Variants in CWC22 observed in about 807,000 individuals in gnomAD.
CWC22 encodes the protein CWC22 spliceosome associated protein.
CWC22 carries 53 observed loss-of-function variants against 117.2 expected under a neutral mutation model. The observed-to-expected ratio is 0.45, with a 90% CI of 0.36 to 0.57. CWC22 has a LOEUF of 0.57. Ranked by LOEUF, CWC22 falls within the 20% of genes least tolerant of loss-of-function variation. CWC22 has a pLI of 0.00. For missense variants in CWC22, 980 were observed against 1,068.8 expected (o/e 0.92, Z 1.16); for synonymous variants, 360 against 355.6 (o/e 1.01, Z -0.14).
intron 1 of CWC22, among the ~76,000 whole-genome samples, chr2:180,000,449 T>C (rs1178331412): frequency 2.0e-5 from 3 of 152,226 alleles, no homozygotes; most frequent in Non-Finnish European, 4.4e-5. Context: ...GTGTTTTGAC[T>C]AGAGGATGTT....
intron 2 of CWC22, among the ~76,000 whole-genome samples, chr2:179,990,406 G>A (rs953988848): frequency 6.6e-6 from 1 of 152,098 alleles, no homozygotes; most frequent in Non-Finnish European, 1.5e-5. Context: ...TTCCTGTGTA[G>A]ACATTCTGAA....
At chr2:179,959,869 G>A (rs531069491) in intron 13 of CWC22, among the ~76,000 whole-genome samples, 5 of 152,094 alleles carry the variant, frequency 3.3e-5, no homozygotes, top group Admixed American at 6.5e-5. Flanking sequence ...CTTTAAAAGG[G>A]TGAGTATCAT....
intron 14 of CWC22, among the ~76,000 whole-genome samples, chr2:179,957,727 G>A (rs1434551924): frequency 6.6e-6 from 1 of 151,966 alleles, no homozygotes; most frequent in Non-Finnish European, 1.5e-5. Context: ...ATCTGTGCCC[G>A]GTTTACCACA....
chr2:179,966,990 T>C (rs1183615016), intron 11 of CWC22, among the ~76,000 whole-genome samples: 2 of 152,186 alleles, frequency 1.3e-5, no homozygotes, highest in Non-Finnish European at 2.9e-5. Flanking sequence ...GACATATAAA[T>C]CTCAAGAATA....
chr2:180,000,067 T>C (rs930917900), intron 1 of CWC22, among the ~76,000 whole-genome samples: 1 of 152,212 alleles, frequency 6.6e-6, no homozygotes, highest in African/African-American at 2.4e-5. Flanking sequence ...GATTGCTATG[T>C]ACTTTCCATA....
chr2:179,958,920 G>C (rs755807074), intron 14 of CWC22, 102 bp downstream of exon 14: 5 of 635,370 alleles, frequency 7.9e-6, no homozygotes, highest in Non-Finnish European at 1.4e-5. Context: ...TAAATATTTA[G>C]TACTGAGGTA....
intron 14 of CWC22, among the ~76,000 whole-genome samples, chr2:179,958,539 C>T (rs1021861479): frequency 6.6e-6 from 1 of 151,348 alleles, no homozygotes; most frequent in East Asian, 1.9e-4. Flanking sequence ...TTTCTTAAAA[C>T]ATTATGTTTT....
rs532390384 is a variant in CWC22, at chr2:179,962,504, TTATA to T, written c.1397+2039_1397+2042del. ...ATACTACAAGCACAATTCTATATAGTTATATAGTTTTTATCTGACTTAATATTAC... is the reference window on the plus strand; with the variant it reads ...ATACTACAAGCACAATTCTATATAGTTAGTTTTTATCTGACTTAATATTAC... On this transcript the variant is annotated intron_variant, in intron 13 of 19. Coordinates refer to ENST00000410053, the MANE Select transcript of CWC22 (RefSeq NM_020943.3). Among the ~76,000 whole-genome samples, 325 of 152,160 alleles carry T rather than the reference TTATA, an allele frequency of 2.1e-3. 1 individual carries two copies. The highest frequency in any genetic ancestry group is 7.7e-3 in the African/African-American group (319 of 41,522).
chr2:179,987,655 G>A (rs751989103), intron 3 of CWC22, among the ~76,000 whole-genome samples: 21 of 152,126 alleles, frequency 1.4e-4, no homozygotes, highest in Non-Finnish European at 2.4e-4. Flanking sequence ...AGGAAGCCTA[G>A]ACAACTGGAA....
chr2:179,951,633 A>G (rs1686450696), intron 17 of CWC22, among the ~76,000 whole-genome samples: 1 of 152,104 alleles, frequency 6.6e-6, no homozygotes, highest in South Asian at 2.1e-4. Flanking sequence ...AAAGAGCCAG[A>G]TATGTTTAAC....
intron 5 of CWC22, among the ~76,000 whole-genome samples, chr2:179,980,657 T>C (rs1483180415): frequency 6.7e-6 from 1 of 150,306 alleles, no homozygotes; most frequent in African/African-American, 2.5e-5. Context: ...GAGGCCGAGG[T>C]GGGCGGATCA....
At chr2:179,965,428 T>G (rs1486966001) in intron 12 of CWC22, among the ~76,000 whole-genome samples, 1 of 152,240 alleles carries the variant, frequency 6.6e-6, no homozygotes, top group African/African-American at 2.4e-5. Context: ...ATACTACTTC[T>G]GTGTAAATAT....
intron 1 of CWC22, among the ~76,000 whole-genome samples, chr2:179,999,607 A>G (rs1054032220): frequency 1.3e-5 from 2 of 152,170 alleles, no homozygotes; most frequent in African/African-American, 4.8e-5. Context: ...TGCTTTCCAG[A>G]TGATTTCCGT....
At chr2:179,961,603 C>T (rs566691654) in intron 13 of CWC22, among the ~76,000 whole-genome samples, 210 of 151,844 alleles carry the variant, frequency 1.4e-3, no homozygotes, top group African/African-American at 4.9e-3. Flanking sequence ...TTTTAAAAAA[C>T]GAAATTAGTA....
At chr2:179,986,555 A>G (rs1013020091) in intron 4 of CWC22, 140 bp downstream of exon 4, 24 of 524,756 alleles carry the variant, frequency 4.6e-5, no homozygotes, top group African/African-American at 3.9e-4. Context: ...AATTCATATA[A>G]AGCCCTTATT....
intron 4 of CWC22, among the ~76,000 whole-genome samples, chr2:179,982,818 C>T (rs1687319499): frequency 6.6e-6 from 1 of 152,060 alleles, no homozygotes; most frequent in African/African-American, 2.4e-5. Flanking sequence ...CTATCTTTCC[C>T]CAGAGCAAAG....
At chr2:179,947,027 AAAAC>A (rs1176300509) in intron 19 of CWC22, among the ~76,000 whole-genome samples, 2 of 152,232 alleles carry the variant, frequency 1.3e-5, no homozygotes, top group African/African-American at 4.8e-5. Context: ...TTTAAGCAAT[AAAAC>A]AAACTTAATC....
At chr2:179,958,919 A>G in intron 14 of CWC22, 103 bp downstream of exon 14, 1 of 602,146 alleles carries the variant, frequency 1.7e-6, no homozygotes, top group Non-Finnish European at 3.0e-6. Flanking sequence ...ATAAATATTT[A>G]GTACTGAGGT....
At chr2:179,997,824 CA>C (rs1311327340) in intron 1 of CWC22, among the ~76,000 whole-genome samples, 1 of 152,108 alleles carries the variant, frequency 6.6e-6, no homozygotes, top group East Asian at 1.9e-4. Context: ...GTATAAGAAA[CA>C]AATCTATAAT....
Sources: allele counts gnomAD v4.1 joint callset (sites outside exome capture counted in the v4.1 genomes callset), GRCh38; gene constraint gnomAD v4.1.1; transcripts MANE v1.5; gene names NCBI Gene and HGNC (gene_info 2026-07-23, HGNC 2026-07-21).